The following LIPC variants were observed in gnomAD, a reference collection of about 807,000 sequenced individuals.
LIPC encodes lipase C, hepatic type, also known as hepatic triacylglycerol lipase.
In LIPC, 44 loss-of-function variants were observed where a neutral mutation model predicts 50.7. That is an observed-to-expected ratio of 0.87 (90% CI 0.68 to 1.11). The LOEUF is 1.11. Among genes scored for constraint, LIPC ranks in the 50% most tolerant of loss-of-function variants. The pLI, the probability that LIPC is intolerant of heterozygous loss-of-function variation, is 0.00. For missense variants in LIPC, 697 were observed against 648.2 expected, an observed-to-expected ratio of 1.08 and a Z score of -0.82; for synonymous variants, 271 against 256.4, an observed-to-expected ratio of 1.06 and a Z score of -0.54.
At chr15:58,434,549 C>T (rs1173885218) in intron 1 of LIPC, among the ~76,000 whole-genome samples, 2 of 152,164 alleles carry the variant, frequency 1.3e-5, no homozygotes, top group African/African-American at 2.4e-5. Flanking sequence ...TGCTCTGTGT[C>T]GAGCCCACAC....
chr15:58,506,749 C>T (rs139028464), intron 1 of LIPC, among the ~76,000 whole-genome samples: 2 of 152,212 alleles, frequency 1.3e-5, no homozygotes, highest in Non-Finnish European at 2.9e-5. Context: ...CTCTGCCCCC[C>T]ACCCTGACGT....
intron 1 of LIPC, among the ~76,000 whole-genome samples, chr15:58,502,655 C>T (rs973176641): frequency 1.3e-5 from 2 of 152,056 alleles, no homozygotes; most frequent in Non-Finnish European, 2.9e-5. Flanking sequence ...CCCTTTTGAG[C>T]TCTAATTATC....
intron 8 of LIPC, chr15:58,565,077 A>G: frequency 1.1e-6 from 1 of 923,312 alleles, no homozygotes; most frequent in South Asian, 1.6e-5. Context: ...TGGCAGATGT[A>G]TGCCCCTGAG....
rs1893950851 is a variant in LIPC at position 58,452,721 on chromosome 15, A to AGGGTGGAGTG, written c.88+20604_88+20613dup. ...TCTTTTCTCTGGAGCACCGTGGGGT[A>AGGGTGGAGTG]GGGTGGAGTGGGATGGGGTGGGAGG... On this transcript the variant is annotated intron_variant, in intron 1 of 8. Coordinates refer to ENST00000299022, the MANE Select transcript of LIPC (RefSeq NM_000236.3). Among the ~76,000 whole-genome samples, 12 of 38,438 alleles carry AGGGTGGAGTG rather than the reference A, an allele frequency of 3.1e-4. No homozygotes were observed. In the South Asian group the frequency reaches 9.0e-3, roughly 29 times the overall value. The allele number at this position is 38,438 out of a possible 152,430, so 25.2% of individuals were successfully genotyped here.
At chr15:58,471,364 T>C (rs1241706336) in intron 1 of LIPC, among the ~76,000 whole-genome samples, 1 of 149,004 alleles carries the variant, frequency 6.7e-6, no homozygotes, top group Non-Finnish European at 1.5e-5. Flanking sequence ...GCCAAGCTGG[T>C]CTCGAACTCT....
chr15:58,493,790 T>C (rs370003703), intron 1 of LIPC, among the ~76,000 whole-genome samples: 1 of 150,446 alleles, frequency 6.6e-6, no homozygotes, highest in Non-Finnish European at 1.5e-5. Context: ...AGTTTATATA[T>C]ATTTATATGG....
At chr15:58,540,082 T>C (rs925391087) in intron 2 of LIPC, among the ~76,000 whole-genome samples, 1 of 152,232 alleles carries the variant, frequency 6.6e-6, no homozygotes, top group Non-Finnish European at 1.5e-5. Flanking sequence ...TCTCATCTAA[T>C]AGACTACTGT....
chr15:58,554,422 CGTCCTTATTAAACAT>C (rs1893863903), intron 6 of LIPC, among the ~76,000 whole-genome samples: 1 of 152,204 alleles, frequency 6.6e-6, no homozygotes, highest in African/African-American at 2.4e-5. Flanking sequence ...CATTTTTTAA[CGTCCTTATTAAACAT>C]GTCATAAGGT....
In LIPC at chr15:58,563,265, C is replaced by G. The variant is rs181084356; in HGVS notation, c.1170-240C>G. Among the ~76,000 whole-genome samples, 169 of 148,898 alleles carry G rather than the reference C, an allele frequency of 1.1e-3. 1 individual carries two copies. The highest frequency in any genetic ancestry group is 4.0e-3 in the African/African-American group (154 of 38,360). On this transcript the variant is annotated intron_variant, in intron 7 of 8. Coordinates refer to ENST00000299022, the MANE Select transcript of LIPC (RefSeq NM_000236.3). Reference sequence around the variant, plus strand: ...TTTGTTATAGTGGGACTTCTCGGAGCCTTTTTGATGTGTTAACCAGAAAAT... The same window carrying G: ...TTTGTTATAGTGGGACTTCTCGGAGGCTTTTTGATGTGTTAACCAGAAAAT...
intron 6 of LIPC, among the ~76,000 whole-genome samples, chr15:58,551,605 C>A (rs1350825378): frequency 2.0e-5 from 3 of 152,166 alleles, no homozygotes; most frequent in African/African-American, 7.2e-5. Flanking sequence ...CCACTCCCTG[C>A]CCATCACAAC....
chr15:58,443,007 G>A (rs1893558149), intron 1 of LIPC, among the ~76,000 whole-genome samples: 1 of 152,180 alleles, frequency 6.6e-6, no homozygotes. Context: ...CCGCTTGCAG[G>A]GTTCAAGCGA....
intron 1 of LIPC, among the ~76,000 whole-genome samples, chr15:58,478,608 A>G (rs1891081250): frequency 6.6e-6 from 1 of 152,188 alleles, no homozygotes; most frequent in African/African-American, 2.4e-5. Context: ...TCCCCATTTC[A>G]TAGAGGAGGT....
At chr15:58,518,934 G>C (rs541398546) in intron 1 of LIPC, among the ~76,000 whole-genome samples, 2 of 150,306 alleles carry the variant, frequency 1.3e-5, no homozygotes, top group Admixed American at 6.7e-5. Flanking sequence ...CTTACGATTC[G>C]TCACCTAAAA....
At chr15:58,499,320 G>A (rs570087934) in intron 1 of LIPC, among the ~76,000 whole-genome samples, 2 of 152,276 alleles carry the variant, frequency 1.3e-5, no homozygotes, top group Non-Finnish European at 1.5e-5. Flanking sequence ...TGTTATGCTG[G>A]CTCAAAAACA....
chr15:58,505,545 T>C (rs1230372240), intron 1 of LIPC, among the ~76,000 whole-genome samples: 1 of 152,122 alleles, frequency 6.6e-6, no homozygotes, highest in Non-Finnish European at 1.5e-5. Flanking sequence ...ATTTCATGAG[T>C]ATGAAGATAG....
intron 1 of LIPC, among the ~76,000 whole-genome samples, chr15:58,535,223 C>T (rs1199509077): frequency 6.6e-6 from 1 of 152,216 alleles, no homozygotes; most frequent in Non-Finnish European, 1.5e-5. Flanking sequence ...CTTGCATCCC[C>T]CACCCCACCA....
intron 1 of LIPC, among the ~76,000 whole-genome samples, chr15:58,470,003 C>A (rs1305306390): frequency 6.7e-6 from 1 of 148,576 alleles, no homozygotes; most frequent in Non-Finnish European, 1.5e-5. Flanking sequence ...TGCAATCATG[C>A]CTCACTGCAG....
intron 1 of LIPC, among the ~76,000 whole-genome samples, chr15:58,501,864 A>G (rs1891997026): frequency 6.6e-6 from 1 of 152,158 alleles, no homozygotes; most frequent in East Asian, 1.9e-4. Flanking sequence ...TCCACCCTTC[A>G]GGAATGTTCT....
intron 1 of LIPC, among the ~76,000 whole-genome samples, chr15:58,460,368 G>A (rs1412606105): frequency 2.0e-5 from 3 of 152,238 alleles, no homozygotes; most frequent in African/African-American, 7.2e-5. Flanking sequence ...ATGTGGATGT[G>A]CAAAAGGAAA....
Sources: gnomAD v4.1 joint callset for allele counts (sites outside exome capture counted in the v4.1 genomes callset) on GRCh38, gnomAD v4.1.1 for gene constraint, MANE v1.5 for transcripts, NCBI Gene and HGNC (gene_info 2026-07-23, HGNC 2026-07-21) for gene names.